The following FKBP4 variants were observed in gnomAD, a reference collection of about 807,000 sequenced individuals.
FKBP4 encodes the protein FKBP prolyl isomerase 4.
FKBP4 carries 28 observed loss-of-function variants against 54.1 expected under a neutral mutation model. The observed-to-expected ratio is 0.52, with a 90% confidence interval of 0.38 to 0.71. FKBP4 has a LOEUF of 0.71. FKBP4 is among the 30% of genes least tolerant of loss of function. The pLI is 0.00. For missense variants in FKBP4, 493 were observed against 574.4 expected (o/e 0.86, Z 1.45); for synonymous variants, 223 against 216.1 (o/e 1.03, Z -0.28).
Position 2,798,634 on chromosome 12 carries a change from G to A in FKBP4, c.394-72G>A, listed in dbSNP as rs999162573. The A allele has an allele frequency of 1.2e-5, 20 of 1,605,666 alleles. No homozygotes were observed. The highest frequency in any genetic ancestry group is 2.2e-4 in the Middle Eastern group (1 of 4,446). ...CCTGGCAGTTAGTAGGGACTCTCTC[G>A]GATGAGAAAGATTGTGTTTCACTGC... On this transcript the variant is annotated intron_variant, in intron 3 of 9. Transcript: ENST00000001008. This position sits in a 1 kb window ranked among gnomAD's most constrained non-coding sequence, Gnocchi z 4.3.
At chr12:2,799,730 C>T (rs1351987855) in intron 5 of FKBP4, 120 bp from the exon 6 acceptor site, 1 of 838,878 alleles carries the variant, frequency 1.2e-6, no homozygotes, top group African/African-American at 1.7e-5. Context: ...ATTTGCCAAA[C>T]ATTTGAACCA....
At chr12:2,803,018 A>G in intron 9 of FKBP4, 133 bp from the exon 10 acceptor site, 6 of 635,292 alleles carry the variant, frequency 9.4e-6, no homozygotes, top group Non-Finnish European at 1.4e-5. Flanking sequence ...ATAAGCCACC[A>G]GGCTTGGCCT....
In FKBP4 at chr12:2,800,526, G is replaced by T; in HGVS notation, c.981G>T (p.Met327Ile). 6 of 1,614,012 alleles carry T rather than the reference G, an allele frequency of 3.7e-6. No homozygotes were observed. The highest frequency in any genetic ancestry group is 3.4e-6 in the Non-Finnish European group (4 of 1,179,972). Residue 327 changes from methionine (M) to isoleucine (I), a missense_variant, in exon 8 of 10, where the codon ATG becomes ATT. Met to Ile is a conservative substitution (Grantham distance 10, BLOSUM62 1). Transcript: ENST00000001008. The part of the protein sequence containing the change: ...LRLASHLNLA[M>I]CHLKLQAFSA... ...TGGCCTCTCACCTCAACCTGGCCAT[G>T]TGTCATCTGAAACTACAGGCCTTCT...
Position 2,795,443 on chromosome 12 carries a change from C to T in FKBP4, c.105+199C>T, listed in dbSNP as rs568903224. Among the ~76,000 whole-genome samples the T allele has an allele frequency of 5.8e-3, 855 of 147,634 alleles. 11 individuals carry two copies. The highest frequency in any genetic ancestry group is 0.02 in the African/African-American group (814 of 41,104). ...AAGGCACCGAGGCCGGCCATGCGCT[C>T]GGCAGGGGGGCGGCCTAGGTGCGCG... On this transcript the variant is annotated intron_variant, in intron 1 of 9. Coordinates refer to ENST00000001008, the MANE Select transcript of FKBP4 (RefSeq NM_002014.4). The surrounding 1 kb of genome is among the most constrained non-coding windows in gnomAD (Gnocchi z 4.3).
At chr12:2,800,857 TGC>T (rs1434719767) in intron 8 of FKBP4, among the ~76,000 whole-genome samples, 1 of 152,264 alleles carries the variant, frequency 6.6e-6, no homozygotes, top group African/African-American at 2.4e-5. Flanking sequence ...CTTACCTACT[TGC>T]TTTATTCTAA....
rs1219861963 is a variant in FKBP4 at position 2,795,057 on chromosome 12, C to T, written c.-83C>T. 2 of 830,842 alleles carry T rather than the reference C, an allele frequency of 2.4e-6. No individual in the cohort carries two copies. Among genetic ancestry groups the T allele is most frequent in the Middle Eastern group, 4.0e-4 (1 of 2,496 alleles). The allele number at this position is 830,842 out of a possible 1,614,324, so 51.5% of individuals were successfully genotyped here. A position where few individuals can be genotyped will look rare whatever the true frequency, so the allele number is the denominator to read the frequency against. ...GCCGCCGCGCCCGGCCTCCCGCACG[C>T]CCCGCAGGTAGCGCCCCCGCCCGCG... On this transcript the variant is annotated 5_prime_UTR_variant, in exon 1 of 10. Transcript: ENST00000001008. This position sits in a 1 kb window ranked among gnomAD's most constrained non-coding sequence, Gnocchi z 4.3.
intron 2 of FKBP4, 146 bp from the exon 3 acceptor site, chr12:2,797,583 T>C (rs936052610): frequency 1.0e-6 from 1 of 994,224 alleles, no homozygotes; most frequent in Admixed American, 2.7e-5. Context: ...TAGCACTTAA[T>C]ACAACCAGGT....
Position 2,795,046 on chromosome 12 carries a change from C to A in FKBP4, c.-94C>A, listed in dbSNP as rs1259042323. The A allele has an allele frequency of 2.9e-6, 2 of 684,746 alleles. No homozygotes were observed. The highest frequency in any genetic ancestry group is 4.0e-6 in the Non-Finnish European group (2 of 495,718). 42.4% of individuals were successfully genotyped at this position (684,746 alleles called of 1,614,324 possible). ...CCGCAGTCAGTGCCGCCGCGCCCGG[C>A]CTCCCGCACGCCCCGCAGGTAGCGC... On this transcript the variant is annotated 5_prime_UTR_variant, in exon 1 of 10. Coordinates refer to ENST00000001008, the MANE Select transcript of FKBP4 (RefSeq NM_002014.4). The surrounding 1 kb of genome is among the most constrained non-coding windows in gnomAD (Gnocchi z 4.3).
chr12:2,799,312 T>G, intron 5 of FKBP4, 68 bp downstream of exon 5: 3 of 1,436,702 alleles, frequency 2.1e-6, no homozygotes, highest in Non-Finnish European at 2.8e-6. Context: ...AAATGAATTG[T>G]AGAACCAGCT....
At position 2,799,148 on chromosome 12, in the gene FKBP4, T is replaced by C. The variant is rs376456473; in HGVS notation, c.575T>C (p.Ile192Thr). The change falls in exon 5 of 10, where the codon ATT becomes ACT. Residue 192 changes from isoleucine (I) to threonine (T), a missense_variant. Coordinates refer to ENST00000001008, the MANE Select transcript of FKBP4 (RefSeq NM_002014.4). ...LFDQRELRFE[I>T]GEGENLDLPY... is the part of the protein sequence containing the mutation. Reference sequence around the variant, plus strand: ...GACCAGCGGGAGCTCCGCTTTGAGATTGGCGAGGGGGAGAACCTGGATCTG... The same window carrying C: ...GACCAGCGGGAGCTCCGCTTTGAGACTGGCGAGGGGGAGAACCTGGATCTG... 6.6e-5 allele frequency: 105 copies of C among 1,588,944 alleles called. No homozygotes were observed. The highest frequency in any genetic ancestry group is 6.8e-5 in the Non-Finnish European group (79 of 1,170,292).
intron 7 of FKBP4, 29 bp from the exon 8 acceptor site, chr12:2,800,363 C>T: frequency 2.5e-6 from 4 of 1,589,152 alleles, no homozygotes; most frequent in Non-Finnish European, 3.4e-6. Context: ...GAAACTGTGC[C>T]AGGTGCCTGA....
intron 9 of FKBP4, 103 bp downstream of exon 9, chr12:2,801,459 A>T: frequency 2.0e-6 from 3 of 1,538,000 alleles, no homozygotes; most frequent in Non-Finnish European, 2.7e-6. Flanking sequence ...CCCGGAAACC[A>T]GAAGTTGCCT....
At position 2,799,334 on chromosome 12, in the gene FKBP4, T is replaced by C. The variant is rs559183035; in HGVS notation, c.671+90T>C. On this transcript the variant is annotated intron_variant, in intron 5 of 9. Transcript: ENST00000001008. ...TTGTAGAACCAGCTGTTTGTATCCT[T>C]TTTAACTCTGGCCACACCAAACATA... 3.6e-6 allele frequency: 5 copies of C among 1,372,600 alleles called. No individual in the cohort carries two copies. The South Asian group carries it at 5.2e-5, about 14-fold the overall frequency. The allele number at this position is 1,372,600 out of a possible 1,614,324, so 85.0% of individuals were successfully genotyped here. A position where few individuals can be genotyped will look rare whatever the true frequency, so the allele number is the denominator to read the frequency against.
chr12:2,800,264 C>T lies in FKBP4; in HGVS notation c.847-128C>T, dbSNP rs2097904021. The T allele has an allele frequency of 1.7e-5, 23 of 1,354,402 alleles. No individual in the cohort carries two copies. In the South Asian group the frequency reaches 3.1e-4, roughly 18 times the overall value. 83.9% of individuals were successfully genotyped at this position (1,354,402 alleles called of 1,614,324 possible). On this transcript the variant is annotated intron_variant, in intron 7 of 9. Coordinates refer to ENST00000001008, the MANE Select transcript of FKBP4 (RefSeq NM_002014.4). ...TCTTCACTTCATATATGTGAGCTTG[C>T]TGGCCTTGCCAGTGGGAAGGGTGGG... is the stretch of plus-strand genomic sequence containing the variant.
intron 9 of FKBP4, chr12:2,801,952 C>CG (rs35280657): frequency 0.33 from 53,915 of 162,512 alleles, 10,763 homozygotes; most frequent in African/African-American, 0.57. Flanking sequence ...TCCCCTAACA[C>CG]AGGCAACGTG....
chr12:2,801,806 T>C, intron 9 of FKBP4: 1 of 332,044 alleles, frequency 3.0e-6, no homozygotes. Context: ...ATAATACACT[T>C]AGTTAAATTC....
chr12:2,800,016 G>C, intron 6 of FKBP4, 23 bp from the exon 7 acceptor site: 2 of 1,614,100 alleles, frequency 1.2e-6, no homozygotes, highest in African/African-American at 1.3e-5. Context: ...TGACAACTTT[G>C]TTTCTCTCCT....
At position 2,805,025 on chromosome 12, in the gene FKBP4, C is replaced by A; in HGVS notation, c.*1767C>A. On this transcript the variant is annotated 3_prime_UTR_variant, in exon 10 of 10. Coordinates refer to ENST00000001008, the MANE Select transcript of FKBP4 (RefSeq NM_002014.4). Reference sequence around the variant, plus strand: ...CTTGGTATTTCAAAAGTAGTAGATTCTTACGCCTGCAGCCAACAATAATCA... The same window carrying A: ...CTTGGTATTTCAAAAGTAGTAGATTATTACGCCTGCAGCCAACAATAATCA... 1 of 316,666 alleles carries A rather than the reference C, an allele frequency of 3.2e-6. No individual in the cohort carries two copies. Among genetic ancestry groups the A allele is most frequent in the Middle Eastern group, 4.0e-4 (1 of 2,478 alleles). The allele number at this position is 316,666 out of a possible 1,614,324, so 19.6% of individuals were successfully genotyped here. A position where few individuals can be genotyped will look rare whatever the true frequency, so the allele number is the denominator to read the frequency against.
rs1473541225 is a variant in FKBP4 at position 2,797,874 on chromosome 12, G to A, written c.393+3G>A. On this transcript the variant is annotated splice_donor_region_variant and intron_variant, in intron 3 of 9. Transcript: ENST00000001008. ...CCAATGCCACGCTTGTATTTGAGGT[G>A]AGTGTTTGGTCACTGAGATCCAGGC... The A allele has an allele frequency of 1.2e-6, 2 of 1,612,238 alleles. No individual in the cohort carries two copies. The highest frequency in any genetic ancestry group is 8.5e-7 in the Non-Finnish European group (1 of 1,178,752).
Sources: allele counts gnomAD v4.1 joint callset (sites outside exome capture counted in the v4.1 genomes callset), GRCh38; gene constraint gnomAD v4.1.1; non-coding constraint Gnocchi (gnomAD v3.1); transcripts MANE v1.5; gene names NCBI Gene and HGNC (gene_info 2026-07-23, HGNC 2026-07-21).